FKTN: variants seen among roughly 807,000 people sequenced by gnomAD.
The protein encoded by FKTN is ribitol-5-phosphate transferase FKTN.
FKTN carries 47 observed loss-of-function variants against 58.6 expected under a neutral mutation model. The observed-to-expected ratio is 0.80, with a 90% CI of 0.63 to 1.02. The LOEUF (loss-of-function observed/expected upper bound fraction) is 1.02, where lower values mean the gene tolerates loss of function less well. Among genes scored for constraint, FKTN ranks in the 50% least tolerant of loss-of-function variants. FKTN has a pLI of 0.00. For missense variants in FKTN, 516 were observed against 537.3 expected (o/e 0.96, Z 0.39); for synonymous variants, 178 against 191.9 (o/e 0.93, Z 0.60).
chr9:105,601,326 A>G lies in FKTN; in HGVS notation c.347A>G (p.Gln116Arg), dbSNP rs1160796399. The stretch of plus-strand genomic sequence containing the variant: ...AGAGACTTTACTGCATTTGCACTGC[A>G]GTATCACCTATGGAAGAATGAGGTA... Reference protein sequence around the residue: ...VPRDFTAFALQYHLWKNEEGW... With the variant: ...VPRDFTAFALRYHLWKNEEGW... The change falls in exon 5 of 11, where the codon CAG becomes CGG. Residue 116 changes from glutamine (Q) to arginine (R), a missense_variant. Transcript: ENST00000357998. 1 of 1,608,248 alleles carries G rather than the reference A, an allele frequency of 6.2e-7. No homozygotes were observed.
chr9:105,574,587 C>T (rs1249084805), intron 2 of FKTN, among the ~76,000 whole-genome samples: 1 of 151,926 alleles, frequency 6.6e-6, no homozygotes, highest in Non-Finnish European at 1.5e-5. Flanking sequence ...TGGTTCTCAG[C>T]ATTGTCAGCA....
At chr9:105,629,524 A>G (rs1208431400) in intron 10 of FKTN, among the ~76,000 whole-genome samples, 3 of 152,226 alleles carry the variant, frequency 2.0e-5, no homozygotes, top group Non-Finnish European at 4.4e-5. Flanking sequence ...AAGCAAGCAC[A>G]ACTGGAGTCT....
rs563944050 is a variant in FKTN, at chr9:105,612,015, GTTTATTTTATTTTAT to G, written c.781-3246_781-3232del. 1.5e-3 allele frequency among the ~76,000 whole-genome samples: 224 copies of G among 151,468 alleles called. 1 individual carries two copies. Among genetic ancestry groups the G allele is most frequent in the Non-Finnish European group, 2.2e-3 (152 of 67,794 alleles). On this transcript the variant is annotated intron_variant, in intron 7 of 10. Transcript: ENST00000357998. ...CTCCACAACCTCACCAATATCTGGG[GTTTATTTTATTTTAT>G]TTTATTTTATTTTATTAGTTTTTTT...
intron 3 of FKTN, among the ~76,000 whole-genome samples, chr9:105,585,048 C>T (rs1344591077): frequency 1.3e-5 from 2 of 152,060 alleles, no homozygotes; most frequent in Non-Finnish European, 2.9e-5. Context: ...ATAGATGCTT[C>T]CTGTATGTTA....
rs140014129 is a variant in FKTN at position 105,604,264 on chromosome 9, T to C, written c.419T>C (p.Ile140Thr). ...AATATGGGATTTCAGTGCCTAAAGA[T>C]TGAGAGTAAAGATCCCCGGCTAGAC... ...AENMGFQCLK[I>T]ESKDPRLDGI... The change falls in exon 6 of 11, where the codon ATT (isoleucine) becomes ACT (threonine). Residue 140 changes from isoleucine to threonine, a missense_variant. Transcript: ENST00000357998. 8 of 1,613,038 alleles carry C rather than the reference T, an allele frequency of 5.0e-6. No homozygotes were observed. Among genetic ancestry groups the C allele is most frequent in the African/African-American group, 1.3e-5 (1 of 74,892 alleles).
intron 4 of FKTN, chr9:105,600,875 T>C (rs1827753357): frequency 3.6e-6 from 1 of 280,068 alleles, no homozygotes; most frequent in Non-Finnish European, 6.8e-6. Flanking sequence ...TGTAGCTTAC[T>C]GGTCTGTACT....
At chr9:105,586,070 C>T (rs1217032038) in intron 3 of FKTN, among the ~76,000 whole-genome samples, 3 of 152,182 alleles carry the variant, frequency 2.0e-5, no homozygotes, top group Admixed American at 6.5e-5. Context: ...CTAGTACTGG[C>T]TACCTTGGAG....
At chr9:105,611,727 T>G (rs1564310444) in intron 7 of FKTN, among the ~76,000 whole-genome samples, 1 of 152,228 alleles carries the variant, frequency 6.6e-6, no homozygotes, top group Non-Finnish European at 1.5e-5. Context: ...ATACTACATT[T>G]TATTTATCCA....
chr9:105,629,190 C>T (rs974268461), intron 10 of FKTN, among the ~76,000 whole-genome samples: 32 of 151,736 alleles, frequency 2.1e-4, no homozygotes, highest in Admixed American at 1.8e-3. Context: ...AGGGAGACCC[C>T]ATGTCTACAA....
At chr9:105,585,519 T>C (rs1209310349) in intron 3 of FKTN, among the ~76,000 whole-genome samples, 1 of 152,216 alleles carries the variant, frequency 6.6e-6, no homozygotes, top group African/African-American at 2.4e-5. Context: ...TTTATTTCAG[T>C]GTCATTGTGG....
rs1834293723 is a variant in FKTN at position 105,639,694 on chromosome 9, C to T, written c.*4430C>T. Reference sequence around the variant, plus strand: ...ATACAATTATACATTAATTATATTACATTAATACAATATATGGTTTGTGAA... The same window carrying T: ...ATACAATTATACATTAATTATATTATATTAATACAATATATGGTTTGTGAA... On this transcript the variant is annotated 3_prime_UTR_variant, in exon 11 of 11. Coordinates refer to ENST00000357998, the MANE Select transcript of FKTN (RefSeq NM_001079802.2). The T allele has an allele frequency of 3.3e-6, 3 of 922,886 alleles. No individual in the cohort carries two copies. The highest frequency in any genetic ancestry group is 2.6e-6 in the Non-Finnish European group (2 of 770,238). The allele number at this position is 922,886 out of a possible 1,614,324, so 57.2% of individuals were successfully genotyped here.
At chr9:105,564,568 T>A (rs1839003088) in intron 1 of FKTN, among the ~76,000 whole-genome samples, 1 of 152,062 alleles carries the variant, frequency 6.6e-6, no homozygotes, top group Non-Finnish European at 1.5e-5. Flanking sequence ...ATCAAATGAA[T>A]GAAATGAAGC....
intron 1 of FKTN, among the ~76,000 whole-genome samples, chr9:105,572,757 A>C (rs938759792): frequency 6.6e-6 from 1 of 152,216 alleles, no homozygotes; most frequent in Non-Finnish European, 1.5e-5. Context: ...ATCTGGAAGA[A>C]GTAATGTTTA....
At chr9:105,562,233 C>T (rs1016657954) in intron 1 of FKTN, among the ~76,000 whole-genome samples, 1 of 152,240 alleles carries the variant, frequency 6.6e-6, no homozygotes, top group Non-Finnish European at 1.5e-5. Context: ...GGAGTTATTA[C>T]TCAAATCAGT....
intron 6 of FKTN, among the ~76,000 whole-genome samples, chr9:105,606,157 G>T (rs945333648): frequency 5.9e-5 from 9 of 151,946 alleles, no homozygotes; most frequent in Admixed American, 5.2e-4. Flanking sequence ...TAAGCAAGAC[G>T]TACCAAAAAA....
At chr9:105,574,912 T>C (rs1841394505) in intron 2 of FKTN, 33 bp from the exon 3 acceptor site, 2 of 698,914 alleles carry the variant, frequency 2.9e-6, no homozygotes, top group Admixed American at 4.4e-5. Context: ...AAAGAGGTTT[T>C]TGTTTCTTTA....
intron 8 of FKTN, among the ~76,000 whole-genome samples, chr9:105,616,239 A>G (rs1368606451): frequency 6.6e-6 from 1 of 152,218 alleles, no homozygotes; most frequent in Non-Finnish European, 1.5e-5. Context: ...TTAAATTAGC[A>G]TTTTATTATT....
At chr9:105,573,491 G>C (rs190419061) in intron 1 of FKTN, among the ~76,000 whole-genome samples, 164 bp from the exon 2 acceptor site, 5 of 152,142 alleles carry the variant, frequency 3.3e-5, no homozygotes, top group Admixed American at 2.6e-4. Context: ...AGCTGGGCAT[G>C]GTGGCACATA....
intron 1 of FKTN, among the ~76,000 whole-genome samples, chr9:105,565,267 C>T (rs991651841): frequency 1.3e-5 from 2 of 152,148 alleles, no homozygotes; most frequent in Non-Finnish European, 2.9e-5. Flanking sequence ...CAGCTAACAT[C>T]ATAATGACAG....
Sources: gnomAD v4.1 joint callset for allele counts (sites outside exome capture counted in the v4.1 genomes callset) on GRCh38, gnomAD v4.1.1 for gene constraint, MANE v1.5 for transcripts, NCBI Gene and HGNC (gene_info 2026-07-23, HGNC 2026-07-21) for gene names.